The following TNS3 variants were observed in gnomAD, a reference collection of about 807,000 sequenced individuals.
The protein encoded by TNS3 is tensin 3.
A neutral mutation model predicts 140.9 loss-of-function variants in TNS3; 45 were observed. The observed-to-expected ratio is 0.32, with a 90% CI of 0.25 to 0.41. TNS3 has a LOEUF of 0.41. Among genes scored for constraint, TNS3 ranks in the 10% least tolerant of loss-of-function variants. The pLI is 1.00. For synonymous variants in TNS3, 815 were observed against 788.4 expected (o/e 1.03, Z -0.56); for missense variants, 1,716 against 1,906.7 (o/e 0.90, Z 1.86).
chr7:47,506,791 T>A, intron 3 of TNS3, 116 bp downstream of exon 3: 1 of 753,494 alleles, frequency 1.3e-6, no homozygotes, highest in Non-Finnish European at 1.9e-6. Flanking sequence ...AGCCCTGGCT[T>A]TCCTAAAGAG....
At chr7:47,501,024 G>A (rs1329043789) in intron 3 of TNS3, among the ~76,000 whole-genome samples, 2 of 152,136 alleles carry the variant, frequency 1.3e-5, no homozygotes, top group East Asian at 3.9e-4. Context: ...AGAGGTGGAC[G>A]TTGCTGTGAA....
intron 1 of TNS3, among the ~76,000 whole-genome samples, chr7:47,577,403 C>A (rs1800699279): frequency 6.6e-6 from 1 of 152,200 alleles, no homozygotes; most frequent in Non-Finnish European, 1.5e-5. Flanking sequence ...AAAGGCCCAG[C>A]CTTGGGGTCC....
chr7:47,410,461 C>T (rs907042454), intron 13 of TNS3, among the ~76,000 whole-genome samples: 3 of 152,266 alleles, frequency 2.0e-5, no homozygotes, highest in South Asian at 2.1e-4. Flanking sequence ...CTGAAGAACC[C>T]CTCAATTAGG....
intron 20 of TNS3, among the ~76,000 whole-genome samples, chr7:47,306,913 T>C (rs1418931300): frequency 2.0e-5 from 3 of 152,204 alleles, no homozygotes; most frequent in African/African-American, 7.2e-5. Context: ...ACACAAAATG[T>C]CTGGAGTTAT....
chr7:47,284,542 C>A (rs1446293532), intron 27 of TNS3, among the ~76,000 whole-genome samples: 1 of 152,210 alleles, frequency 6.6e-6, no homozygotes, highest in Non-Finnish European at 1.5e-5. Flanking sequence ...TGTGACCCTG[C>A]AGTTCAAGCA....
At chr7:47,359,417 G>C (rs1004164640) in intron 17 of TNS3, among the ~76,000 whole-genome samples, 4 of 152,102 alleles carry the variant, frequency 2.6e-5, no homozygotes, top group African/African-American at 9.7e-5. Flanking sequence ...GTGACTTCAG[G>C]GGGTATAAGG....
At chr7:47,502,234 G>GGT (rs1262516746) in intron 3 of TNS3, among the ~76,000 whole-genome samples, 3 of 152,172 alleles carry the variant, frequency 2.0e-5, no homozygotes, top group African/African-American at 7.2e-5. Flanking sequence ...GGGCTGGAGA[G>GGT]GTCAATCCCT....
At chr7:47,553,559 A>G (rs1323440342) in intron 1 of TNS3, among the ~76,000 whole-genome samples, 1 of 152,212 alleles carries the variant, frequency 6.6e-6, no homozygotes, top group East Asian at 1.9e-4. Context: ...AACATGGTTT[A>G]TTGACTATTT....
chr7:47,540,592 C>G (rs1331254010), intron 1 of TNS3, among the ~76,000 whole-genome samples: 1 of 151,968 alleles, frequency 6.6e-6, no homozygotes, highest in African/African-American at 2.4e-5. Flanking sequence ...AATACAGCGG[C>G]TGGCTCACCC....
At chr7:47,286,319 A>G (rs1785419017) in intron 27 of TNS3, among the ~76,000 whole-genome samples, 1 of 152,184 alleles carries the variant, frequency 6.6e-6, no homozygotes, top group African/African-American at 2.4e-5. Flanking sequence ...AAATGCAGGA[A>G]CTATGTCATC....
chr7:47,335,941 G>A (rs746712041), intron 20 of TNS3, among the ~76,000 whole-genome samples: 35 of 152,106 alleles, frequency 2.3e-4, no homozygotes, highest in Non-Finnish European at 4.4e-4. Context: ...GTCAGGAGAG[G>A]ACCCACCAGA....
At chr7:47,504,645 G>A (rs539102453) in intron 3 of TNS3, among the ~76,000 whole-genome samples, 18 of 152,348 alleles carry the variant, frequency 1.2e-4, no homozygotes, top group Admixed American at 5.9e-4. Flanking sequence ...CTCAAAAGCC[G>A]AGTGCAATAA....
chr7:47,495,609 T>C (rs2941530), intron 3 of TNS3, among the ~76,000 whole-genome samples: 92,075 of 151,708 alleles, frequency 0.61, 28,415 homozygotes, highest in Middle Eastern at 0.71. Context: ...CATAGAGAGG[T>C]CTCAGGAACA....
intron 10 of TNS3, among the ~76,000 whole-genome samples, chr7:47,415,593 T>A (rs1311592444): frequency 6.6e-6 from 1 of 152,216 alleles, no homozygotes; most frequent in African/African-American, 2.4e-5. Context: ...GTCACTAGCA[T>A]TGCACCTATG....
intron 4 of TNS3, among the ~76,000 whole-genome samples, chr7:47,472,235 G>A (rs554339044): frequency 2.6e-5 from 4 of 152,312 alleles, no homozygotes; most frequent in African/African-American, 7.2e-5. Flanking sequence ...TCCAAATAAG[G>A]TCACATTCAG....
chr7:47,293,694 G>A (rs768174559), intron 25 of TNS3, 39 bp downstream of exon 25: 16 of 1,579,028 alleles, frequency 1.0e-5, no homozygotes, highest in Admixed American at 3.3e-5. Context: ...CAGGCCTCAT[G>A]AGTTCAGAAC....
At chr7:47,333,958 T>A (rs1788479344) in intron 20 of TNS3, among the ~76,000 whole-genome samples, 1 of 152,210 alleles carries the variant, frequency 6.6e-6, no homozygotes, top group Non-Finnish European at 1.5e-5. Context: ...ATTTAAATGA[T>A]GCTTCCAGAG....
intron 4 of TNS3, among the ~76,000 whole-genome samples, chr7:47,474,275 C>T (rs1448978098): frequency 6.9e-6 from 1 of 144,210 alleles, no homozygotes; most frequent in Admixed American, 6.7e-5. Flanking sequence ...AAACACTTCA[C>T]ACACAACACA....
chr7:47,452,027 A>G (rs115814923), intron 4 of TNS3, among the ~76,000 whole-genome samples: 1,593 of 152,324 alleles, frequency 0.01, 27 homozygotes, highest in African/African-American at 0.037. Context: ...GGGAGACAGA[A>G]ACAGCATTCT....
Sources: allele counts gnomAD v4.1 joint callset (sites outside exome capture counted in the v4.1 genomes callset), GRCh38; gene constraint gnomAD v4.1.1; transcripts MANE v1.5; gene names NCBI Gene and HGNC (gene_info 2026-07-23, HGNC 2026-07-21).